Variants in NLK observed in about 807,000 individuals in gnomAD.
NLK encodes the protein serine/threonine-protein kinase NLK.
Under a neutral mutation model 59.0 loss-of-function variants are expected in NLK, and 11 were observed. The observed-to-expected ratio is 0.19, with a 90% CI of 0.12 to 0.31. NLK has a LOEUF of 0.31. NLK is among the 10% of genes least tolerant of loss of function. The probability of loss-of-function intolerance (pLI) is 1.00; values close to 1 mark genes in which losing one functional copy is unlikely to be tolerated. For synonymous variants in NLK, 235 were observed against 235.9 expected, an observed-to-expected ratio of 1.00 and a Z score of 0.03; for missense variants, 410 against 661.1, an observed-to-expected ratio of 0.62 and a Z score of 4.16.
intron 10 of NLK, 136 bp downstream of exon 10, chr17:28,192,349 G>C: frequency 1.7e-6 from 1 of 599,530 alleles, no homozygotes; most frequent in Non-Finnish European, 2.9e-6. Flanking sequence ...TATGAGGTTT[G>C]GCTTTAGTCA....
At chr17:28,135,935 A>G (rs1906727166) in intron 3 of NLK, among the ~76,000 whole-genome samples, 1 of 152,204 alleles carries the variant, frequency 6.6e-6, no homozygotes, top group African/African-American at 2.4e-5. Flanking sequence ...TTGATTCATC[A>G]TTATTTCAAA....
rs946877918 is a variant in NLK, at chr17:28,070,134, G to A, written c.458+26803G>A. On this transcript the variant is annotated intron_variant, in intron 1 of 10. Coordinates refer to ENST00000407008, the MANE Select transcript of NLK (RefSeq NM_016231.5). ...GCCTGTAATCCCAGCTACTCAGGAG[G>A]CTGAGGCATGAGAATCATTTGAATC... Among the ~76,000 whole-genome samples the A allele has an allele frequency of 2.0e-5, 3 of 151,736 alleles. No individual in the cohort carries two copies. In the East Asian group the frequency reaches 5.9e-4, roughly 30 times the overall value.
At chr17:28,075,535 T>G (rs995910113) in intron 1 of NLK, among the ~76,000 whole-genome samples, 2 of 152,238 alleles carry the variant, frequency 1.3e-5, no homozygotes, top group African/African-American at 4.8e-5. Context: ...TTTTGTATTC[T>G]TGAGTCTCTT....
rs918927044 is a variant in NLK, at chr17:28,102,573, C to T, written c.459-20030C>T. Among the ~76,000 whole-genome samples the T allele has an allele frequency of 4.7e-5, 7 of 149,436 alleles. No homozygotes were observed. In the East Asian group the frequency reaches 5.9e-4, roughly 13 times the overall value. On this transcript the variant is annotated intron_variant, in intron 1 of 10. Transcript: ENST00000407008. The stretch of plus-strand genomic sequence containing the variant: ...CTGAGGCAGGAGAATCACTTGAACC[C>T]GGGAGGCAGATGTTGCAGTGAGCCG...
chr17:28,047,311 T>C (rs1051347046), intron 1 of NLK, among the ~76,000 whole-genome samples: 27 of 152,236 alleles, frequency 1.8e-4, no homozygotes, highest in African/African-American at 6.0e-4. Flanking sequence ...ATGCAGACTA[T>C]TTTTGGAGGC....
At chr17:28,117,998 A>G (rs2142813081) in intron 1 of NLK, among the ~76,000 whole-genome samples, 1 of 152,282 alleles carries the variant, frequency 6.6e-6, no homozygotes, top group South Asian at 2.1e-4. Flanking sequence ...TTCTTATTCC[A>G]TAATTTGTTA....
At chr17:28,159,857 C>A (rs926189051) in intron 3 of NLK, among the ~76,000 whole-genome samples, 3 of 152,130 alleles carry the variant, frequency 2.0e-5, no homozygotes, top group Admixed American at 6.5e-5. Flanking sequence ...AAGAAGTGGC[C>A]TTAATTCTGA....
At chr17:28,130,966 T>G (rs914254811) in intron 2 of NLK, among the ~76,000 whole-genome samples, 3 of 152,150 alleles carry the variant, frequency 2.0e-5, no homozygotes, top group African/African-American at 7.2e-5. Context: ...TTATTTTCTG[T>G]TTATACCAAA....
intron 5 of NLK, 48 bp downstream of exon 5, chr17:28,163,676 G>A: frequency 9.0e-7 from 1 of 1,113,300 alleles, no homozygotes; most frequent in Non-Finnish European, 1.3e-6. Context: ...AGAATGTCAG[G>A]GCAGGTTTAA....
chr17:28,143,083 A>T (rs1480524208), intron 3 of NLK, among the ~76,000 whole-genome samples: 5 of 146,674 alleles, frequency 3.4e-5, no homozygotes, highest in Non-Finnish European at 5.9e-5. Context: ...TCACTCTGTC[A>T]CCCAGGGAGA....
At chr17:28,089,977 G>A (rs1445208632) in intron 1 of NLK, among the ~76,000 whole-genome samples, 1 of 152,110 alleles carries the variant, frequency 6.6e-6, no homozygotes, top group Non-Finnish European at 1.5e-5. Flanking sequence ...AGTACTCCCA[G>A]TTTGTGGCTT....
chr17:28,165,955 G>A (rs1013633632), intron 5 of NLK, among the ~76,000 whole-genome samples: 4 of 152,284 alleles, frequency 2.6e-5, no homozygotes, highest in African/African-American at 9.6e-5. Flanking sequence ...AGTGGCTCAC[G>A]CCTGTAATCC....
chr17:28,203,314 T>G, the NLK span, among the ~76,000 whole-genome samples: 1 of 151,920 alleles, frequency 6.6e-6, no homozygotes, highest in Non-Finnish European at 1.5e-5. Flanking sequence ...CCCACAGCTC[T>G]CAATCAGAGG....
At chr17:28,092,881 C>T (rs187469329) in intron 1 of NLK, among the ~76,000 whole-genome samples, 5 of 151,776 alleles carry the variant, frequency 3.3e-5, no homozygotes, top group East Asian at 1.9e-4. Context: ...CTGCAACATC[C>T]GCCTCCCGGG....
intron 1 of NLK, among the ~76,000 whole-genome samples, chr17:28,113,061 T>C (rs1382034300): frequency 6.6e-6 from 1 of 152,216 alleles, no homozygotes; most frequent in Non-Finnish European, 1.5e-5. Flanking sequence ...AAGTTACTCA[T>C]CCTTTTAAAA....
chr17:28,104,123 A>C (rs940835509), intron 1 of NLK, among the ~76,000 whole-genome samples: 1 of 152,200 alleles, frequency 6.6e-6, no homozygotes, highest in African/African-American at 2.4e-5. Flanking sequence ...CCAGTTTCTC[A>C]ACTAGATCTT....
At position 28,168,569 on chromosome 17, in the gene NLK, A is replaced by G. The variant is rs182961914; in HGVS notation, c.959A>G (p.Asn320Ser). Reference protein sequence around the residue: ...EILMGSRHYSNAIDIWSVGCI... With the variant: ...EILMGSRHYSSAIDIWSVGCI... ...CTGATGGGCAGCCGTCATTACAGCA[A>G]TGCTATTGACATCTGGTCTGTGGGA... Residue 320 changes from asparagine (N) to serine (S), a missense_variant, in exon 6 of 11, where the codon AAT becomes AGT. By Grantham distance (46) the Asn-to-Ser change is conservative. This residue lies in a region of NLK where 150 missense variants were observed against 244.3 expected (regional missense o/e 0.61). Coordinates refer to ENST00000407008, the MANE Select transcript of NLK (RefSeq NM_016231.5). 3.7e-6 allele frequency: 6 copies of G among 1,613,604 alleles called. No homozygotes were observed. Among genetic ancestry groups the G allele is most frequent in the African/African-American group, 1.3e-5 (1 of 75,026 alleles).
At chr17:28,160,208 T>G (rs974326199) in intron 3 of NLK, among the ~76,000 whole-genome samples, 2 of 152,120 alleles carry the variant, frequency 1.3e-5, no homozygotes, top group Non-Finnish European at 2.9e-5. Flanking sequence ...GTACAATGAT[T>G]GAAGGAGACT....
rs899365073 is a variant in NLK, at chr17:28,180,061, A to G, written c.1150-5118A>G. ...AGCACTTCGTCTTTCCTGTGGAGCC[A>G]ATGCTAGAAACTAAAATTTTAATCG... On this transcript the variant is annotated intron_variant, in intron 7 of 10. Coordinates refer to ENST00000407008, the MANE Select transcript of NLK (RefSeq NM_016231.5). Among the ~76,000 whole-genome samples, 12 of 152,124 alleles carry G rather than the reference A, an allele frequency of 7.9e-5. 1 individual carries two copies. Among genetic ancestry groups the G allele is most frequent in the Admixed American group, 3.9e-4 (6 of 15,262 alleles).
Sources: gnomAD v4.1 joint callset for allele counts (sites outside exome capture counted in the v4.1 genomes callset) on GRCh38, gnomAD v4.1.1 for gene constraint, gnomAD v4.1.1 regional missense constraint, MANE v1.5 for transcripts, NCBI Gene and HGNC (gene_info 2026-07-23, HGNC 2026-07-21) for gene names.